The following TOM1L2 variants were observed in gnomAD, a reference collection of about 807,000 sequenced individuals.
TOM1L2 encodes the protein TOM1-like protein 2.
In TOM1L2, 31 loss-of-function variants were observed where a neutral mutation model predicts 67.9. The observed-to-expected ratio is 0.46, with a 90% confidence interval of 0.34 to 0.62. The LOEUF is 0.62. TOM1L2 is among the 20% of genes least tolerant of loss of function. The probability of loss-of-function intolerance (pLI) is 0.01; values close to 1 mark genes in which losing one functional copy is unlikely to be tolerated. For synonymous variants in TOM1L2, 256 were observed against 254.0 expected, an observed-to-expected ratio of 1.01 and a Z score of -0.07; for missense variants, 606 against 663.5, an observed-to-expected ratio of 0.91 and a Z score of 0.95.
At chr17:17,902,672 G>A (rs1486500095) in intron 2 of TOM1L2, among the ~76,000 whole-genome samples, 1 of 152,234 alleles carries the variant, frequency 6.6e-6, no homozygotes. Flanking sequence ...GACAGGGTAA[G>A]GGCAGTGAAT....
At chr17:17,879,468 G>A (rs904555185) in intron 7 of TOM1L2, among the ~76,000 whole-genome samples, 159 bp downstream of exon 7, 5 of 152,162 alleles carry the variant, frequency 3.3e-5, no homozygotes, top group African/African-American at 7.2e-5. Flanking sequence ...CTGCCTGTCC[G>A]TAGGCAACGT....
chr17:17,912,742 T>C (rs1411811897), intron 1 of TOM1L2, among the ~76,000 whole-genome samples: 2 of 136,678 alleles, frequency 1.5e-5, no homozygotes, highest in Non-Finnish European at 3.2e-5. Flanking sequence ...TCCCAGACGA[T>C]GGGCGGCCAG....
At chr17:17,943,404 C>T (rs920662937) in intron 1 of TOM1L2, among the ~76,000 whole-genome samples, 2 of 152,116 alleles carry the variant, frequency 1.3e-5, no homozygotes, top group Admixed American at 6.5e-5. Context: ...TGCTGGGGTG[C>T]GACAGAGGGC....
At chr17:17,922,043 CA>C (rs1430072290) in intron 1 of TOM1L2, among the ~76,000 whole-genome samples, 1 of 152,064 alleles carries the variant, frequency 6.6e-6, no homozygotes, top group African/African-American at 2.4e-5. Context: ...CTTCCCAGCT[CA>C]ATTTAAAAAC....
intron 1 of TOM1L2, among the ~76,000 whole-genome samples, chr17:17,957,815 A>C (rs2041522298): frequency 6.6e-6 from 1 of 152,024 alleles, no homozygotes; most frequent in African/African-American, 2.4e-5. Context: ...TCTTAAGAAA[A>C]ACTAGGCCAG....
intron 1 of TOM1L2, among the ~76,000 whole-genome samples, chr17:17,935,321 A>G (rs2040476409): frequency 6.6e-6 from 1 of 152,234 alleles, no homozygotes; most frequent in Non-Finnish European, 1.5e-5. Context: ...AAATGCTTAT[A>G]ATCTGTTGGC....
At chr17:17,850,119 G>A (rs2035875354) in intron 13 of TOM1L2, among the ~76,000 whole-genome samples, 1 of 152,236 alleles carries the variant, frequency 6.6e-6, no homozygotes, top group Non-Finnish European at 1.5e-5. Context: ...CTAGGAGGGA[G>A]ATGAGGTGTC....
intron 13 of TOM1L2, among the ~76,000 whole-genome samples, chr17:17,849,695 G>A (rs1383854928): frequency 1.3e-5 from 2 of 152,194 alleles, no homozygotes; most frequent in East Asian, 3.8e-4. Context: ...TGGGCTAGGA[G>A]ACCTGGGTTC....
At chr17:17,890,328 C>T (rs532178137) in intron 4 of TOM1L2, among the ~76,000 whole-genome samples, 17 of 152,008 alleles carry the variant, frequency 1.1e-4, no homozygotes, top group Non-Finnish European at 2.4e-4. Flanking sequence ...CCTCACACCC[C>T]GGTATGAGGT....
chr17:17,909,210 A>C (rs2039232872), intron 1 of TOM1L2, among the ~76,000 whole-genome samples: 1 of 152,048 alleles, frequency 6.6e-6, no homozygotes, highest in Admixed American at 6.6e-5. Context: ...CAAACAAAAA[A>C]CATAGCATTA....
chr17:17,875,351 G>A (rs936745594), intron 7 of TOM1L2, among the ~76,000 whole-genome samples: 22 of 151,838 alleles, frequency 1.4e-4, no homozygotes, highest in Admixed American at 1.4e-3. Context: ...AGTGCCAGCC[G>A]GCCACCTGCA....
chr17:17,914,727 G>A (rs1210503033), intron 1 of TOM1L2, among the ~76,000 whole-genome samples: 1 of 152,168 alleles, frequency 6.6e-6, no homozygotes, highest in South Asian at 2.1e-4. Context: ...GCTGTGTATT[G>A]CATTCATGTG....
intron 11 of TOM1L2, chr17:17,862,507 C>A: frequency 2.0e-6 from 1 of 502,302 alleles, no homozygotes. Flanking sequence ...CCAATCAACC[C>A]CAAGGGCAGG....
At chr17:17,880,651 G>C (rs1015478524) in intron 6 of TOM1L2, among the ~76,000 whole-genome samples, 26 of 152,218 alleles carry the variant, frequency 1.7e-4, no homozygotes, top group Non-Finnish European at 2.6e-4. Flanking sequence ...CAGGACACTG[G>C]AGGGAGCCCT....
At chr17:17,898,790 A>C (rs2038706824) in intron 2 of TOM1L2, 116 bp from the exon 3 acceptor site, 1 of 988,054 alleles carries the variant, frequency 1.0e-6, no homozygotes, top group African/African-American at 1.6e-5. Context: ...CATGTTTGTA[A>C]ATGTAAAAGA....
chr17:17,963,450 T>C (rs2041768524), intron 1 of TOM1L2, among the ~76,000 whole-genome samples: 1 of 152,252 alleles, frequency 6.6e-6, no homozygotes, highest in Non-Finnish European at 1.5e-5. Context: ...CTAGAGCCCC[T>C]GGCTGGAGAG....
chr17:17,921,757 G>A (rs1222569307), intron 1 of TOM1L2, among the ~76,000 whole-genome samples: 1 of 149,716 alleles, frequency 6.7e-6, no homozygotes, highest in African/African-American at 2.5e-5. Context: ...GGGGCGGGGT[G>A]GGGGGGTGGG....
At position 17,898,605 on chromosome 17, in the gene TOM1L2, C is replaced by T. The variant is rs1331595882; in HGVS notation, c.207G>A (p.Leu69=). The change falls in exon 3 of 15, where the codon CTG becomes CTA. Residue 69 remains leucine (L), a synonymous_variant. Coordinates refer to ENST00000379504, the MANE Select transcript of TOM1L2 (RefSeq NM_001082968.2). ...GGAGAATAGCACTCACTGTTAATGC[C>T]AGCATCACCTCTCTGTAGTTCCGGT... The part of the protein sequence containing the change: ...NGNRNYREVM[L]ALTVLETCVK... The T allele has an allele frequency of 3.7e-6, 6 of 1,614,224 alleles. No individual in the cohort carries two copies. Among genetic ancestry groups the T allele is most frequent in the Non-Finnish European group, 5.1e-6 (6 of 1,180,024 alleles).
At chr17:17,911,418 G>A (rs2039344228) in intron 1 of TOM1L2, among the ~76,000 whole-genome samples, 1 of 152,194 alleles carries the variant, frequency 6.6e-6, no homozygotes, top group South Asian at 2.1e-4. Context: ...TCCGTCCAGA[G>A]GGCTGGCTGG....
Sources: allele counts gnomAD v4.1 joint callset (sites outside exome capture counted in the v4.1 genomes callset), GRCh38; gene constraint gnomAD v4.1.1; transcripts MANE v1.5; gene names NCBI Gene and HGNC (gene_info 2026-07-23, HGNC 2026-07-21).